Variants in FAM169A observed in about 807,000 individuals in gnomAD.
FAM169A encodes family with sequence similarity 169 member A.
Under a neutral mutation model 75.7 loss-of-function variants are expected in FAM169A, and 24 were observed. The observed-to-expected ratio is 0.32, with a 90% CI of 0.23 to 0.45. The LOEUF (loss-of-function observed/expected upper bound fraction) is 0.45, where lower values mean the gene tolerates loss of function less well. FAM169A is among the 20% of genes least tolerant of loss of function. The pLI is 1.00. For synonymous variants in FAM169A, 271 were observed against 271.0 expected (o/e 1.00, Z 0.00); for missense variants, 673 against 784.0 (o/e 0.86, Z 1.69).
Position 74,779,443 on chromosome 5 carries a change from A to C in FAM169A, c.*2017T>G, listed in dbSNP as rs1008355829. The stretch of plus-strand genomic sequence containing the variant: ...AATTTGAAAAGAAAGTATTTTAAAC[A>C]AATCCAAGTAAAAATAAAATATCTA... On this transcript the variant is annotated 3_prime_UTR_variant, in exon 13 of 13. Coordinates refer to ENST00000687041, the MANE Select transcript of FAM169A (RefSeq NM_001376049.1). The C allele has an allele frequency of 1.3e-5, 2 of 152,206 alleles. No homozygotes were observed. Among genetic ancestry groups the C allele is most frequent in the African/African-American group, 2.4e-5 (1 of 41,470 alleles). The allele number at this position is 152,206 out of a possible 1,614,324, so 9.4% of individuals were successfully genotyped here.
intron 5 of FAM169A, among the ~76,000 whole-genome samples, chr5:74,822,940 T>C (rs1395667639): frequency 2.0e-5 from 3 of 152,104 alleles, no homozygotes; most frequent in African/African-American, 7.2e-5. Flanking sequence ...GTTACCACAC[T>C]CTGTCCACCT....
intron 6 of FAM169A, among the ~76,000 whole-genome samples, chr5:74,811,101 A>C (rs946199052): frequency 6.6e-6 from 1 of 150,922 alleles, no homozygotes; most frequent in Non-Finnish European, 1.5e-5. Flanking sequence ...CTGGTGACTC[A>C]GCCTTCTGAG....
chr5:74,805,015 C>T lies in FAM169A; in HGVS notation c.799+141G>A, dbSNP rs1746791148. The T allele has an allele frequency of 5.9e-6, 4 of 683,368 alleles. No individual in the cohort carries two copies. The East Asian group carries it at 8.0e-5, about 14-fold the overall frequency. 42.3% of individuals were successfully genotyped at this position (683,368 alleles called of 1,614,324 possible). On this transcript the variant is annotated intron_variant, in intron 7 of 12. Transcript: ENST00000687041. ...AGAGAGTCTGTTACTAGAACAATCA[C>T]ATTATAATACACTACCACTCTGGAC...
intron 6 of FAM169A, 83 bp downstream of exon 6, chr5:74,813,757 T>G (rs554925040): frequency 2.8e-6 from 3 of 1,062,060 alleles, no homozygotes; most frequent in Non-Finnish European, 4.0e-6. Context: ...GATACTGATA[T>G]ATACACATTT....
intron 5 of FAM169A, among the ~76,000 whole-genome samples, chr5:74,834,003 G>C (rs1050876665): frequency 1.3e-5 from 2 of 152,134 alleles, no homozygotes; most frequent in African/African-American, 4.8e-5. Context: ...TCTTTCATAT[G>C]TCAGGCTGAA....
At chr5:74,801,741 T>G in intron 8 of FAM169A, 112 bp from the exon 9 acceptor site, 2 of 771,896 alleles carry the variant, frequency 2.6e-6, no homozygotes, top group Admixed American at 4.7e-5. Context: ...CAAATAGCAC[T>G]TTTTGTTAAC....
chr5:74,862,432 A>T (rs989295895), intron 1 of FAM169A, among the ~76,000 whole-genome samples: 4 of 152,136 alleles, frequency 2.6e-5, no homozygotes, highest in African/African-American at 9.7e-5. Context: ...CATCCCCAAA[A>T]GCTTCTGACA....
chr5:74,820,300 T>A (rs1021994159), intron 5 of FAM169A, among the ~76,000 whole-genome samples: 1 of 152,140 alleles, frequency 6.6e-6, no homozygotes, highest in African/African-American at 2.4e-5. Context: ...CCAGCCTGAA[T>A]TGTATATTTT....
rs1745342110 is a variant in FAM169A, at chr5:74,780,203, G to A, written c.*1257C>T. Reference sequence around the variant, plus strand: ...CAGGCCAGCTTGCAACCAGTACTCAGTACAAATCAAAGGATGATTGAAGCC... The same window carrying A: ...CAGGCCAGCTTGCAACCAGTACTCAATACAAATCAAAGGATGATTGAAGCC... On this transcript the variant is annotated 3_prime_UTR_variant, in exon 13 of 13. Transcript: ENST00000687041. 1 of 152,090 alleles carries A rather than the reference G, an allele frequency of 6.6e-6. No individual in the cohort carries two copies. The highest frequency in any genetic ancestry group is 2.1e-4 in the South Asian group (1 of 4,834). The allele number at this position is 152,090 out of a possible 1,614,324, so 9.4% of individuals were successfully genotyped here.
At chr5:74,815,985 C>T (rs749691247) in intron 5 of FAM169A, among the ~76,000 whole-genome samples, 2 of 152,124 alleles carry the variant, frequency 1.3e-5, no homozygotes, top group Non-Finnish European at 2.9e-5. Flanking sequence ...GTGAAGTAGC[C>T]ATTCTTTTAT....
At chr5:74,814,717 C>T (rs149296839) in intron 5 of FAM169A, among the ~76,000 whole-genome samples, 3 of 152,248 alleles carry the variant, frequency 2.0e-5, no homozygotes, top group African/African-American at 7.2e-5. Flanking sequence ...TACAGCTATG[C>T]TGATTTGTCT....
chr5:74,824,280 G>A (rs184975211), intron 5 of FAM169A, among the ~76,000 whole-genome samples: 29 of 152,168 alleles, frequency 1.9e-4, no homozygotes, highest in Admixed American at 3.3e-4. Flanking sequence ...CAAAAATAGC[G>A]ACTAATGATA....
At chr5:74,840,991 G>T (rs923676339) in intron 2 of FAM169A, among the ~76,000 whole-genome samples, 2 of 151,984 alleles carry the variant, frequency 1.3e-5, no homozygotes, top group Non-Finnish European at 2.9e-5. Flanking sequence ...ATTGGTGCTG[G>T]GGAAGACTTT....
chr5:74,823,014 A>C (rs1229120229), intron 5 of FAM169A, among the ~76,000 whole-genome samples: 1 of 152,156 alleles, frequency 6.6e-6, no homozygotes, highest in Admixed American at 6.6e-5. Flanking sequence ...CTGGTCCTTC[A>C]TTCACCTGAA....
intron 1 of FAM169A, among the ~76,000 whole-genome samples, chr5:74,852,818 C>G (rs1749511626): frequency 1.3e-5 from 2 of 152,108 alleles, no homozygotes; most frequent in South Asian, 4.2e-4. Context: ...CATTAAGGGA[C>G]CTTGGGCAGG....
intron 9 of FAM169A, 119 bp downstream of exon 9, chr5:74,801,471 T>C: frequency 1.2e-6 from 1 of 808,918 alleles, no homozygotes; most frequent in Non-Finnish European, 2.1e-6. Context: ...ATTTTAGAGC[T>C]GGTTAAGTCT....
chr5:74,800,181 A>G lies in FAM169A; in HGVS notation c.1103+699T>C, dbSNP rs1222510285. ...CCAGCCCCAAGGAAACACTGAAAAC[A>G]CATATCACGCCAATATCATGTGGTT... On this transcript the variant is annotated intron_variant, in intron 10 of 12. Transcript: ENST00000687041. The G allele has an allele frequency of 1.0e-5, 4 of 390,372 alleles. 1 individual carries two copies. In the South Asian group the frequency reaches 1.1e-4, roughly 10 times the overall value. The allele number at this position is 390,372 out of a possible 1,614,324, so 24.2% of individuals were successfully genotyped here. A position where few individuals can be genotyped will look rare whatever the true frequency, so the allele number is the denominator to read the frequency against.
At chr5:74,813,450 C>A (rs1261612077) in intron 6 of FAM169A, among the ~76,000 whole-genome samples, 1 of 151,998 alleles carries the variant, frequency 6.6e-6, no homozygotes, top group East Asian at 1.9e-4. Context: ...CCTCAGCCTC[C>A]CGAGTAGCTG....
chr5:74,791,086 C>T (rs1745951585), intron 11 of FAM169A, among the ~76,000 whole-genome samples: 1 of 152,144 alleles, frequency 6.6e-6, no homozygotes, highest in Non-Finnish European at 1.5e-5. Context: ...CGGCAGTGGG[C>T]TCATGCTCAT....
Sources: allele counts gnomAD v4.1 joint callset (sites outside exome capture counted in the v4.1 genomes callset), GRCh38; gene constraint gnomAD v4.1.1; transcripts MANE v1.5; gene names NCBI Gene and HGNC (gene_info 2026-07-23, HGNC 2026-07-21).